ESR1: variants seen among roughly 807,000 people sequenced by gnomAD.
The protein encoded by ESR1 is estrogen receptor 1.
ESR1 carries 12 observed loss-of-function variants against 52.7 expected under a neutral mutation model. The ratio of observed to expected loss-of-function variants is 0.23; its 90% CI spans 0.15 to 0.37. The LOEUF is 0.37. Ranked by LOEUF, ESR1 falls within the 10% of genes least tolerant of loss-of-function variation. The pLI is 1.00. For missense variants in ESR1, 584 were observed against 779.7 expected (o/e 0.75, Z 2.99); for synonymous variants, 305 against 316.8 (o/e 0.96, Z 0.39).
chr6:151,801,143 G>C (rs948269421), upstream of ESR1, among the ~76,000 whole-genome samples: 1 of 150,856 alleles, frequency 6.6e-6, no homozygotes, highest in Non-Finnish European at 1.5e-5. Flanking sequence ...GCACAATCTA[G>C]ATATTGCTCT....
At chr6:151,839,632 AG>A (rs1377596467) in intron 1 of ESR1, among the ~76,000 whole-genome samples, 1 of 152,228 alleles carries the variant, frequency 6.6e-6, no homozygotes, top group Admixed American at 6.5e-5. Flanking sequence ...AAGTCTGTGT[AG>A]TATATACAGA....
chr6:151,995,740 A>C (rs1397128354), intron 4 of ESR1, among the ~76,000 whole-genome samples: 1 of 152,174 alleles, frequency 6.6e-6, no homozygotes, highest in African/African-American at 2.4e-5. Flanking sequence ...ATTTATGCCA[A>C]CTGGATTGAA....
chr6:151,854,629 A>G (rs1787488373), intron 2 of ESR1, among the ~76,000 whole-genome samples: 1 of 152,192 alleles, frequency 6.6e-6, no homozygotes. Flanking sequence ...GGCAGTTTCA[A>G]AATCATGTAT....
intron 4 of ESR1, among the ~76,000 whole-genome samples, chr6:152,010,873 C>T (rs74852441): frequency 0.033 from 4,999 of 150,500 alleles, 205 homozygotes; most frequent in African/African-American, 0.1. Context: ...CCTCCTTCTC[C>T]TCCTCCTTCT....
rs9340896 is a variant in ESR1, at chr6:151,942,600, G to A, written c.761-1573G>A. ...TACTGAGCAAATAGGAAGAGTTCAT[G>A]GCTTCTCTATGTTTTTGAAGTGTCA... On this transcript the variant is annotated intron_variant, in intron 3 of 7. Transcript: ENST00000206249. Among the ~76,000 whole-genome samples, 1,291 of 151,122 alleles carry A rather than the reference G, an allele frequency of 8.5e-3. 20 individuals carry two copies. The highest frequency in any genetic ancestry group is 0.027 in the African/African-American group (1,135 of 41,326).
At chr6:151,828,694 A>G (rs1781903779) in intron 1 of ESR1, among the ~76,000 whole-genome samples, 1 of 152,198 alleles carries the variant, frequency 6.6e-6, no homozygotes, top group South Asian at 2.1e-4. Context: ...CCAAAACTCT[A>G]AACAAGTCAT....
At chr6:151,889,600 A>C (rs999047336) in intron 3 of ESR1, among the ~76,000 whole-genome samples, 5 of 152,136 alleles carry the variant, frequency 3.3e-5, no homozygotes, top group Admixed American at 3.3e-4. Context: ...CTTTTTAAAA[A>C]CAAATTCGTA....
At chr6:152,118,085 T>G (rs968960090) in intron 6 of ESR1, among the ~76,000 whole-genome samples, 5 of 152,178 alleles carry the variant, frequency 3.3e-5, no homozygotes, top group African/African-American at 1.2e-4. Context: ...ACATTCATAC[T>G]CTTCAAAAAC....
intron 2 of ESR1, among the ~76,000 whole-genome samples, chr6:151,783,801 A>G (rs1238630471): frequency 6.6e-6 from 1 of 152,160 alleles, no homozygotes; most frequent in Non-Finnish European, 1.5e-5. Flanking sequence ...CTATTCCAGT[A>G]TCCCATCCAG....
chr6:151,707,194 T>C (rs1386364907), intron 2 of ESR1, among the ~76,000 whole-genome samples: 40 of 152,224 alleles, frequency 2.6e-4, no homozygotes, highest in Non-Finnish European at 1.5e-5. Flanking sequence ...TTTTTGCATA[T>C]GGTTGAATGC....
intron 5 of ESR1, among the ~76,000 whole-genome samples, chr6:152,057,522 C>T (rs952558282): frequency 2.0e-5 from 3 of 152,276 alleles, no homozygotes; most frequent in Middle Eastern, 3.4e-3. Context: ...TGCAGCTTCA[C>T]TGCATTGCAT....
chr6:152,120,896 G>A (rs751512714), intron 6 of ESR1, among the ~76,000 whole-genome samples: 2 of 152,188 alleles, frequency 1.3e-5, no homozygotes, highest in Non-Finnish European at 2.9e-5. Flanking sequence ...ATTTAGAGCA[G>A]GATTTGTAAA....
At chr6:151,793,949 T>C (rs1474289699) in intron 2 of ESR1, among the ~76,000 whole-genome samples, 2 of 152,220 alleles carry the variant, frequency 1.3e-5, no homozygotes, top group African/African-American at 2.4e-5. Context: ...TAAAAACATA[T>C]TTTAAAACAT....
At chr6:151,722,373 G>A (rs1037490596) in intron 2 of ESR1, among the ~76,000 whole-genome samples, 3 of 152,204 alleles carry the variant, frequency 2.0e-5, no homozygotes, top group Non-Finnish European at 4.4e-5. Context: ...GTCCCTCATG[G>A]AAGAAGAAGA....
intron 2 of ESR1, among the ~76,000 whole-genome samples, chr6:151,716,060 C>G (rs929742305): frequency 7.9e-5 from 12 of 152,140 alleles, no homozygotes; most frequent in African/African-American, 2.9e-4. Context: ...CTATTCCTTT[C>G]TGTTTGTTAG....
chr6:151,734,835 T>C (rs1316603481), intron 2 of ESR1, among the ~76,000 whole-genome samples: 1 of 152,064 alleles, frequency 6.6e-6, no homozygotes, highest in Non-Finnish European at 1.5e-5. Context: ...TTGGCCAGGC[T>C]AGTCTGGAAC....
intron 3 of ESR1, among the ~76,000 whole-genome samples, chr6:151,938,184 ATAACT>A (rs1225342266): frequency 1.3e-5 from 2 of 152,236 alleles, no homozygotes; most frequent in African/African-American, 4.8e-5. Flanking sequence ...AACTGGAGAA[ATAACT>A]TTACTGATAT....
chr6:151,688,941 T>C (rs76381451), upstream of ESR1, among the ~76,000 whole-genome samples: 4 of 152,198 alleles, frequency 2.6e-5, no homozygotes, highest in African/African-American at 7.2e-5. Context: ...AAAGCACATA[T>C]TGGAATGCAA....
chr6:152,030,000 GA>G, intron 5 of ESR1, among the ~76,000 whole-genome samples: 1 of 152,306 alleles, frequency 6.6e-6, no homozygotes, highest in South Asian at 2.1e-4. Flanking sequence ...CATTCTTAAA[GA>G]AAAGAATTTT....
Sources: gnomAD v4.1 joint callset for allele counts (sites outside exome capture counted in the v4.1 genomes callset) on GRCh38, gnomAD v4.1.1 for gene constraint, MANE v1.5 for transcripts, NCBI Gene and HGNC (gene_info 2026-07-23, HGNC 2026-07-21) for gene names.